The following EMP2 variants were observed in gnomAD, a reference collection of about 807,000 sequenced individuals.
The protein encoded by EMP2 is epithelial membrane protein 2.
EMP2 carries 19 observed loss-of-function variants against 13.7 expected under a neutral mutation model. The observed-to-expected ratio is 1.38, with a 90% CI of 0.97 to 2.03. The LOEUF (loss-of-function observed/expected upper bound fraction) is 2.03. EMP2 is among the 30% of genes most tolerant of loss of function. The probability of loss-of-function intolerance (pLI) is 0.00; values close to 1 mark genes in which losing one functional copy is unlikely to be tolerated. For missense variants in EMP2, 253 were observed against 220.7 expected (o/e 1.15, Z -0.93); for synonymous variants, 97 against 84.7 (o/e 1.15, Z -0.80).
intron 1 of EMP2, among the ~76,000 whole-genome samples, chr16:10,575,084 C>G (rs909106890): frequency 6.6e-6 from 1 of 151,860 alleles, no homozygotes; most frequent in Non-Finnish European, 1.5e-5. Flanking sequence ...TTCCTTGTTG[C>G]CTGAACTTTC....
At chr16:10,567,057 A>T (rs7342737) in intron 1 of EMP2, among the ~76,000 whole-genome samples, 2,015 of 152,228 alleles carry the variant, frequency 0.013, 44 homozygotes, top group African/African-American at 0.046. Context: ...AAGCCTCCCC[A>T]ACTTTTCTAG....
chr16:10,541,128 G>A (rs1299584022), intron 3 of EMP2, among the ~76,000 whole-genome samples: 1 of 151,880 alleles, frequency 6.6e-6, no homozygotes, highest in African/African-American at 2.4e-5. Context: ...ATGGGTGAGT[G>A]CAGAGGCTCA....
At chr16:10,560,838 G>T (rs974199622) in intron 1 of EMP2, among the ~76,000 whole-genome samples, 1 of 152,178 alleles carries the variant, frequency 6.6e-6, no homozygotes, top group South Asian at 2.1e-4. Context: ...AGGAGAGCAC[G>T]TTCCGGGCTG....
chr16:10,576,050 G>C (rs2050982377), intron 1 of EMP2, among the ~76,000 whole-genome samples: 1 of 152,052 alleles, frequency 6.6e-6, no homozygotes. Context: ...AAGGACCACT[G>C]TGCTTATTAA....
At chr16:10,539,496 G>A (rs1305436271) in intron 3 of EMP2, among the ~76,000 whole-genome samples, 1 of 152,112 alleles carries the variant, frequency 6.6e-6, no homozygotes, top group Admixed American at 6.6e-5. Flanking sequence ...AGGAACAGGT[G>A]GAAGTGAGTT....
Position 10,538,003 on chromosome 16 carries a change from T to G in EMP2, c.241A>C (p.Ile81Leu). 6.2e-7 allele frequency: 1 copy of G among 1,614,002 alleles called. No individual in the cohort carries two copies. Residue 81 changes from isoleucine (I) to leucine (L), a missense_variant, in exon 4 of 5, where the codon ATC (isoleucine) becomes CTC (leucine). Transcript: ENST00000359543. ...STILCCIAFF[I>L]FVLQLFRLKQ... is the part of the protein sequence containing the mutation. ...AGGCGGAAGAGCTGGAGCACGAAGA[T>G]GAAGAAGGCGATGCAGCAGAGAATG...
chr16:10,579,249 T>C (rs2051005389), intron 1 of EMP2, among the ~76,000 whole-genome samples: 1 of 152,128 alleles, frequency 6.6e-6, no homozygotes, highest in Non-Finnish European at 1.5e-5. Flanking sequence ...TCTTTAAGCT[T>C]TCTTAACTGA....
chr16:10,566,554 G>C (rs531229453), intron 1 of EMP2, among the ~76,000 whole-genome samples: 34 of 152,332 alleles, frequency 2.2e-4, no homozygotes, highest in Admixed American at 2.1e-3. Context: ...AATGTCATGT[G>C]ATGACAGAGC....
intron 1 of EMP2, among the ~76,000 whole-genome samples, chr16:10,572,292 A>G (rs945926057): frequency 2.6e-5 from 4 of 151,944 alleles, no homozygotes; most frequent in Non-Finnish European, 4.4e-5. Flanking sequence ...CCCAGTCTCT[A>G]CAAAAAATTT....
chr16:10,539,659 C>A (rs967848640), intron 3 of EMP2, among the ~76,000 whole-genome samples: 76 of 151,988 alleles, frequency 5.0e-4, no homozygotes, highest in Non-Finnish European at 1.1e-3. Flanking sequence ...TGTCAAAACC[C>A]ACCAAACTGA....
At chr16:10,560,326 C>G in intron 1 of EMP2, among the ~76,000 whole-genome samples, 1 of 152,216 alleles carries the variant, frequency 6.6e-6, no homozygotes, top group East Asian at 1.9e-4. Flanking sequence ...AGGCTCACAG[C>G]TCTTCCCACC....
chr16:10,578,776 G>A (rs1347960718), intron 1 of EMP2, among the ~76,000 whole-genome samples: 2 of 152,262 alleles, frequency 1.3e-5, no homozygotes, highest in South Asian at 2.1e-4. Flanking sequence ...GGCTCCCCAT[G>A]GGATGGAGGT....
chr16:10,538,888 T>G (rs2142172356), intron 3 of EMP2, among the ~76,000 whole-genome samples: 1 of 152,230 alleles, frequency 6.6e-6, no homozygotes, highest in Middle Eastern at 3.4e-3. Context: ...CAACCGTAGC[T>G]CACTGCAGCC....
intron 1 of EMP2, among the ~76,000 whole-genome samples, chr16:10,567,078 C>T (rs1397066954): frequency 1.3e-5 from 2 of 152,218 alleles, no homozygotes; most frequent in African/African-American, 4.8e-5. Context: ...TCTACGTGAT[C>T]TGCCTGCCTT....
chr16:10,562,820 A>G (rs973998859), intron 1 of EMP2, among the ~76,000 whole-genome samples: 5 of 152,324 alleles, frequency 3.3e-5, no homozygotes, highest in Admixed American at 3.3e-4. Flanking sequence ...TAGTTTGTGC[A>G]GCTTTCACAG....
At chr16:10,576,402 C>A (rs1286476027) in intron 1 of EMP2, 1 of 152,070 alleles carries the variant, frequency 6.6e-6, no homozygotes, top group Non-Finnish European at 1.5e-5. Context: ...AAAGAGAAAT[C>A]TTCAAAGTGC....
chr16:10,544,556 C>A, intron 2 of EMP2: 1 of 152,486 alleles, frequency 6.6e-6, no homozygotes, highest in Non-Finnish European at 1.5e-5. Context: ...GGTCCAGGCC[C>A]TCAGAGAGTA....
At chr16:10,571,251 G>A (rs1373316370) in intron 1 of EMP2, among the ~76,000 whole-genome samples, 2 of 87,318 alleles carry the variant, frequency 2.3e-5, no homozygotes, top group South Asian at 5.1e-4. Context: ...GCAAGACTCC[G>A]TCTCAAAAAA....
chr16:10,562,402 C>A (rs1045585270), intron 1 of EMP2, among the ~76,000 whole-genome samples: 3 of 151,694 alleles, frequency 2.0e-5, no homozygotes, highest in Non-Finnish European at 4.4e-5. Flanking sequence ...CTCTCTCTAT[C>A]TCTATCTCTC....
Sources: gnomAD v4.1 joint callset for allele counts (sites outside exome capture counted in the v4.1 genomes callset) on GRCh38, gnomAD v4.1.1 for gene constraint, MANE v1.5 for transcripts, NCBI Gene and HGNC (gene_info 2026-07-23, HGNC 2026-07-21) for gene names.